Variants in TIMM23 observed in about 807,000 individuals in gnomAD.
TIMM23 encodes translocase of inner mitochondrial membrane 23, also known as mitochondrial import inner membrane translocase subunit Tim23.
Under a neutral mutation model 30.7 loss-of-function variants are expected in TIMM23, and 19 were observed. That is an observed-to-expected ratio of 0.62 (90% CI 0.43 to 0.91). The LOEUF (loss-of-function observed/expected upper bound fraction) is 0.91. TIMM23 is among the 40% of genes least tolerant of loss of function. The probability of loss-of-function intolerance (pLI) is 0.00; values close to 1 mark genes in which losing one functional copy is unlikely to be tolerated. For synonymous variants in TIMM23, 78 were observed against 98.5 expected, an observed-to-expected ratio of 0.79 and a Z score of 1.23; for missense variants, 202 against 269.2, an observed-to-expected ratio of 0.75 and a Z score of 1.75.
chr10:45,985,294 A>G, intron 4 of TIMM23, 89 bp from the exon 5 acceptor site: 1 of 1,526,298 alleles, frequency 6.6e-7, no homozygotes, highest in Non-Finnish European at 9.1e-7. Context: ...CCCTGGGTCT[A>G]GACATGTTAA....
rs1172844294 is a variant in TIMM23 at position 45,996,968 on chromosome 10, C to CAA, written c.515-6219_515-6218dup. Among the ~76,000 whole-genome samples, 271 of 112,520 alleles carry CAA rather than the reference C, an allele frequency of 2.4e-3. 5 individuals are homozygous for CAA. Among genetic ancestry groups the CAA allele is most frequent in the East Asian group, 0.021 (84 of 3,942 alleles). 73.8% of individuals were successfully genotyped at this position (112,520 alleles called of 152,430 possible). ...CGACAGAGTGAGACCCTGTGTCAAA[C>CAA]AAAAAAAAAAAAAAAAAGATAGATT... is the stretch of plus-strand genomic sequence containing the variant. On this transcript the variant is annotated intron_variant, in intron 6 of 6. Coordinates refer to ENST00000580018, the MANE Select transcript of TIMM23 (RefSeq NM_006327.4).
Position 45,981,083 on chromosome 10 carries a change from C to T in TIMM23, c.166-1440C>T, listed in dbSNP as rs1179288810. On this transcript the variant is annotated intron_variant, in intron 2 of 6. Coordinates refer to ENST00000580018, the MANE Select transcript of TIMM23 (RefSeq NM_006327.4). ...CCTCCCAAGTAGCTGGGACTACAGG[C>T]GCACACTGCCACGCCCAGCTAATTT... is the stretch of plus-strand genomic sequence containing the variant. Among the ~76,000 whole-genome samples the T allele has an allele frequency of 2.1e-4, 31 of 148,248 alleles. 1 individual carries two copies. Among genetic ancestry groups the T allele is most frequent in the African/African-American group, 7.5e-4 (30 of 40,032 alleles).
Position 45,975,600 on chromosome 10 carries a change from C to T in TIMM23, c.165+88C>T, listed in dbSNP as rs1358760581. 5.0e-5 allele frequency: 78 copies of T among 1,557,806 alleles called. 2 individuals carry two copies. In the Middle Eastern group the frequency reaches 1.2e-3, roughly 24 times the overall value. On this transcript the variant is annotated intron_variant, in intron 2 of 6. Transcript: ENST00000580018. Reference sequence around the variant, plus strand: ...CTATGCTGACTTGAACTATGACATACACTTTTGGAGGCAGTAAGTCTCTGG... The same window carrying T: ...CTATGCTGACTTGAACTATGACATATACTTTTGGAGGCAGTAAGTCTCTGG...
Position 45,982,881 on chromosome 10 carries a change from G to A in TIMM23, c.295G>A (p.Gly99Arg). The A allele has an allele frequency of 6.2e-7, 1 of 1,613,850 alleles. No homozygotes were observed. Among genetic ancestry groups the A allele is most frequent in the Non-Finnish European group, 8.5e-7 (1 of 1,179,856 alleles). Residue 99 changes from glycine to arginine, a missense_variant, in exon 4 of 7, where the codon GGA (glycine) becomes AGA (arginine). Coordinates refer to ENST00000580018, the MANE Select transcript of TIMM23 (RefSeq NM_006327.4). ...TGGTGCAATGAATGGTCTTCGGCTA[G>A]GATTGAAGGAAACCCAGAACATGGC... ...AFGAMNGLRL[G>R]LKETQNMAWS...
At chr10:45,996,380 A>G (rs1838332741) in intron 6 of TIMM23, among the ~76,000 whole-genome samples, 1 of 149,032 alleles carries the variant, frequency 6.7e-6, no homozygotes. Flanking sequence ...AAATGTTATG[A>G]AAAATTTGGA....
intron 2 of TIMM23, among the ~76,000 whole-genome samples, chr10:45,977,757 TGCAGTG>T (rs1157179378): frequency 6.6e-6 from 1 of 152,188 alleles, no homozygotes; most frequent in African/African-American, 2.4e-5. Flanking sequence ...GGAGGCCAGG[TGCAGTG>T]GCTCATACCT....
intron 6 of TIMM23, chr10:45,992,418 A>T: frequency 2.2e-6 from 1 of 456,028 alleles, no homozygotes; most frequent in Non-Finnish European, 4.4e-6. Flanking sequence ...ACAGTTTCTA[A>T]ACCCTGCATT....
At chr10:45,987,667 T>TGCTA (rs1838032568) in intron 5 of TIMM23, among the ~76,000 whole-genome samples, 1 of 145,758 alleles carries the variant, frequency 6.9e-6, no homozygotes, top group Admixed American at 7.0e-5. Context: ...CTGTCACCCA[T>TGCTA]GCTAGAGTGC....
intron 1 of TIMM23, among the ~76,000 whole-genome samples, chr10:45,974,256 C>T (rs1279633230): frequency 6.6e-6 from 1 of 151,786 alleles, no homozygotes; most frequent in Non-Finnish European, 1.5e-5. Flanking sequence ...AAAACATTGC[C>T]GTTAGTGATA....
At chr10:45,998,353 A>C (rs947907687) in intron 6 of TIMM23, 3 of 984,800 alleles carry the variant, frequency 3.0e-6, no homozygotes, top group Non-Finnish European at 3.6e-6. Flanking sequence ...GTGCTTGCCT[A>C]TCGCTTTGGA....
In TIMM23 at chr10:45,973,534, C is replaced by T. The variant is rs587598375; in HGVS notation, c.106+804C>T. On this transcript the variant is annotated intron_variant, in intron 1 of 6. Transcript: ENST00000580018. ...ATTTTATACTAAGGAACAACAACAACGAAATATGTTCAGACTGTAGTGCAA... is the reference window on the plus strand; with the variant it reads ...ATTTTATACTAAGGAACAACAACAATGAAATATGTTCAGACTGTAGTGCAA... 1.1e-3 allele frequency among the ~76,000 whole-genome samples: 171 copies of T among 152,280 alleles called. 1 individual carries two copies. The highest frequency in any genetic ancestry group is 3.9e-3 in the African/African-American group (163 of 41,546).
intron 6 of TIMM23, among the ~76,000 whole-genome samples, chr10:45,998,763 A>T (rs998991675): frequency 7.9e-5 from 12 of 151,396 alleles, no homozygotes; most frequent in African/African-American, 2.9e-4. Flanking sequence ...TTTTTGATTC[A>T]TTTGGCAAGA....
intron 6 of TIMM23, chr10:45,998,423 T>C (rs1206596975): frequency 1.0e-6 from 1 of 983,784 alleles, no homozygotes; most frequent in African/African-American, 1.7e-5. Context: ...TCATATTTGC[T>C]TTGCTTTATA....
chr10:45,973,740 C>G (rs1460596986), intron 1 of TIMM23, among the ~76,000 whole-genome samples: 2 of 151,990 alleles, frequency 1.3e-5, no homozygotes, highest in Non-Finnish European at 2.9e-5. Context: ...CACTCCTGAG[C>G]TCAAACAATC....
intron 6 of TIMM23, among the ~76,000 whole-genome samples, chr10:45,998,103 G>A (rs893671926): frequency 1.3e-5 from 2 of 152,120 alleles, no homozygotes; most frequent in African/African-American, 4.8e-5. Context: ...GGCTAAGAAT[G>A]TGTTTTACGT....
intron 6 of TIMM23, chr10:46,002,394 T>C (rs1190650694): frequency 2.4e-6 from 1 of 421,756 alleles, no homozygotes; most frequent in Non-Finnish European, 3.2e-6. Context: ...TAGGTTGTTC[T>C]CAAACTCCTG....
chr10:45,989,661 CT>C (rs1838097986), intron 6 of TIMM23, among the ~76,000 whole-genome samples: 1 of 151,990 alleles, frequency 6.6e-6, no homozygotes, highest in South Asian at 2.1e-4. Flanking sequence ...ATAGTTTGAC[CT>C]GTGACATCAG....
chr10:45,980,359 A>G (rs1837805565), intron 2 of TIMM23, among the ~76,000 whole-genome samples: 1 of 152,002 alleles, frequency 6.6e-6, no homozygotes, highest in Non-Finnish European at 1.5e-5. Flanking sequence ...TTGGCCTCCC[A>G]AAGTGCTGGG....
Position 45,972,672 on chromosome 10 carries a change from C to G in TIMM23, c.48C>G (p.Ala16=), listed in dbSNP as rs1554911969. The change falls in exon 1 of 7, where the codon GCC becomes GCG. Residue 16 remains alanine, a synonymous_variant. Transcript: ENST00000580018. ...GSGNKTTGGL[A]GFFGAGGAGY... ...GCAACAAAACCACAGGGGGATTGGC[C>G]GGCTTTTTCGGAGCCGGCGGAGCAG... 3 of 1,613,960 alleles carry G rather than the reference C, an allele frequency of 1.9e-6. No homozygotes were observed. The highest frequency in any genetic ancestry group is 2.7e-5 in the African/African-American group (2 of 75,042).
Sources: allele counts gnomAD v4.1 joint callset (sites outside exome capture counted in the v4.1 genomes callset), GRCh38; gene constraint gnomAD v4.1.1; transcripts MANE v1.5; gene names NCBI Gene and HGNC (gene_info 2026-07-23, HGNC 2026-07-21).